FBXW7: variants seen among roughly 807,000 people sequenced by gnomAD.
The protein encoded by FBXW7 is F-box/WD repeat-containing protein 7.
FBXW7 carries 11 observed loss-of-function variants against 86.3 expected under a neutral mutation model. That is an observed-to-expected ratio of 0.13 (90% CI 0.08 to 0.21). FBXW7 has a LOEUF of 0.21. Among genes scored for constraint, FBXW7 ranks in the 10% least tolerant of loss-of-function variants. The pLI, the probability that FBXW7 is intolerant of heterozygous loss-of-function variation, is 1.00. For synonymous variants in FBXW7, 313 were observed against 297.9 expected (o/e 1.05, Z -0.52); for missense variants, 488 against 847.4 (o/e 0.58, Z 5.27).
At chr4:152,526,166 T>G (rs1286876731) in intron 2 of FBXW7, among the ~76,000 whole-genome samples, 1 of 152,242 alleles carries the variant, frequency 6.6e-6, no homozygotes, top group African/African-American at 2.4e-5. Context: ...TAAATTTAAG[T>G]TCTTATAGAC....
rs117567518 is a variant in FBXW7 at position 152,406,221 on chromosome 4, A to G, written c.501+5082T>C. On this transcript the variant is annotated intron_variant, in intron 4 of 13. Coordinates refer to ENST00000281708, the MANE Select transcript of FBXW7 (RefSeq NM_001349798.2). ...TATCATCTGTATAAAGAACTAATCA[A>G]TGGAATGCTATAAAACAATTTTAAA... Among the ~76,000 whole-genome samples the G allele has an allele frequency of 7.2e-4, 110 of 152,350 alleles. 2 individuals are homozygous for G. In the East Asian group the frequency reaches 0.02, roughly 28 times the overall value.
chr4:152,445,960 G>T (rs529041466), intron 2 of FBXW7, among the ~76,000 whole-genome samples: 1 of 136,932 alleles, frequency 7.3e-6, no homozygotes, highest in African/African-American at 2.6e-5. Context: ...GCTTAGTACA[G>T]CACTTGGTCC....
intron 4 of FBXW7, among the ~76,000 whole-genome samples, chr4:152,389,254 A>G (rs2406600): frequency 0.37 from 56,416 of 151,822 alleles, 11,200 homozygotes; most frequent in African/African-American, 0.51. Flanking sequence ...TAATAGAACT[A>G]TCATTTGATC....
At chr4:152,515,417 A>C (rs1748390469) in intron 2 of FBXW7, among the ~76,000 whole-genome samples, 1 of 152,314 alleles carries the variant, frequency 6.6e-6, no homozygotes, top group South Asian at 2.1e-4. Flanking sequence ...TATAAATTAT[A>C]TCTCAATAAA....
chr4:152,456,771 C>G (rs548900762), intron 2 of FBXW7, among the ~76,000 whole-genome samples: 2 of 152,298 alleles, frequency 1.3e-5, no homozygotes, highest in East Asian at 3.9e-4. Context: ...TCATACACTG[C>G]AAGTGGTAAT....
intron 2 of FBXW7, among the ~76,000 whole-genome samples, chr4:152,510,380 G>A (rs536516815): frequency 6.6e-6 from 1 of 152,088 alleles, no homozygotes; most frequent in Non-Finnish European, 1.5e-5. Context: ...TCTCCAAAAA[G>A]GCCACAAAAA....
At chr4:152,324,685 T>A (rs1191962415) in intron 12 of FBXW7, 1 of 327,436 alleles carries the variant, frequency 3.1e-6, no homozygotes, top group Non-Finnish European at 5.7e-6. Flanking sequence ...GAACAATATG[T>A]TAATTTTCAA....
Position 152,337,788 on chromosome 4 carries a change from T to C in FBXW7, c.861+14A>G, listed in dbSNP as rs757216052. The stretch of plus-strand genomic sequence containing the variant: ...AAATAACACCCAATGAAGAATGTAA[T>C]TGATAATCTTTACCTCTTTAGGGAG... On this transcript the variant is annotated intron_variant, in intron 7 of 13. Coordinates refer to ENST00000281708, the MANE Select transcript of FBXW7 (RefSeq NM_001349798.2). 81 of 1,599,592 alleles carry C rather than the reference T, an allele frequency of 5.1e-5. No homozygotes were observed. Among genetic ancestry groups the C allele is most frequent in the Non-Finnish European group, 6.4e-5 (75 of 1,174,892 alleles).
intron 4 of FBXW7, among the ~76,000 whole-genome samples, chr4:152,387,366 TACTC>T (rs1163645074): frequency 6.6e-6 from 1 of 152,118 alleles, no homozygotes; most frequent in East Asian, 1.9e-4. Context: ...TTATCAAGCA[TACTC>T]ACTTATTTCA....
In FBXW7 at chr4:152,535,835, T is replaced by G. The variant is rs868844150; in HGVS notation, c.-921A>C. 135 of 386,646 alleles carry G rather than the reference T, an allele frequency of 3.5e-4. 1 individual carries two copies. The highest frequency in any genetic ancestry group is 3.3e-3 in the South Asian group (28 of 8,516). The allele number at this position is 386,646 out of a possible 1,614,324, so 24.0% of individuals were successfully genotyped here. The stretch of plus-strand genomic sequence containing the variant: ...CCGGCTCAGGCTCGGGCTCCGGCTC[T>G]GGCTCCGGCTCCGGCGTGTGCAGCC... On this transcript the variant is annotated 5_prime_UTR_variant, in exon 1 of 14. Transcript: ENST00000281708.
Position 152,404,663 on chromosome 4 carries a change from A to G in FBXW7, c.501+6640T>C, listed in dbSNP as rs149494753. Among the ~76,000 whole-genome samples the G allele has an allele frequency of 8.4e-3, 1,281 of 152,300 alleles. 11 individuals are homozygous for G. Among genetic ancestry groups the G allele is most frequent in the South Asian group, 0.047 (226 of 4,828 alleles). On this transcript the variant is annotated intron_variant, in intron 4 of 13. Coordinates refer to ENST00000281708, the MANE Select transcript of FBXW7 (RefSeq NM_001349798.2). ...TCTGCATGTTAGCAAAATGATTCCTAAAGTGGGATTTTTAACTTCTCCTCA... is the reference window on the plus strand; with the variant it reads ...TCTGCATGTTAGCAAAATGATTCCTGAAGTGGGATTTTTAACTTCTCCTCA...
intron 2 of FBXW7, among the ~76,000 whole-genome samples, chr4:152,513,311 T>C (rs1348234092): frequency 2.0e-5 from 3 of 152,112 alleles, no homozygotes; most frequent in Admixed American, 6.5e-5. Flanking sequence ...ATAGTTAAAA[T>C]AGAAAGCAAC....
At chr4:152,404,685 C>T (rs1306878782) in intron 4 of FBXW7, among the ~76,000 whole-genome samples, 1 of 152,130 alleles carries the variant, frequency 6.6e-6, no homozygotes, top group Non-Finnish European at 1.5e-5. Context: ...TTAACTTCTC[C>T]TCAGGGCAGT....
intron 6 of FBXW7, among the ~76,000 whole-genome samples, chr4:152,341,929 T>C (rs1280806286): frequency 1.3e-5 from 2 of 152,202 alleles, no homozygotes; most frequent in South Asian, 4.1e-4. Context: ...GGAGATACTG[T>C]CGTTGTAATT....
intron 4 of FBXW7, among the ~76,000 whole-genome samples, chr4:152,387,611 A>AG (rs1182644954): frequency 2.0e-5 from 3 of 151,000 alleles, no homozygotes; most frequent in Non-Finnish European, 4.4e-5. Flanking sequence ...AAACTGTAAA[A>AG]AAAAAAAAAA....
intron 4 of FBXW7, among the ~76,000 whole-genome samples, chr4:152,395,588 T>C (rs1736353587): frequency 6.6e-6 from 1 of 152,036 alleles, no homozygotes; most frequent in African/African-American, 2.4e-5. Flanking sequence ...ATAACTAAAA[T>C]CAGTACACCA....
intron 4 of FBXW7, among the ~76,000 whole-genome samples, chr4:152,386,601 G>T (rs1366834576): frequency 6.6e-6 from 1 of 151,960 alleles, no homozygotes; most frequent in Non-Finnish European, 1.5e-5. Flanking sequence ...CATATTATTT[G>T]TAAGTTTCAG....
chr4:152,405,740 G>C (rs1252952339), intron 4 of FBXW7, among the ~76,000 whole-genome samples: 9 of 152,156 alleles, frequency 5.9e-5, no homozygotes, highest in African/African-American at 1.9e-4. Flanking sequence ...GAGACTAAGT[G>C]ATCAAGTCTG....
At chr4:152,527,901 C>CACACACATAT (rs71596295) in intron 2 of FBXW7, among the ~76,000 whole-genome samples, 13 of 149,300 alleles carry the variant, frequency 8.7e-5, no homozygotes, top group African/African-American at 3.0e-4. Context: ...CACACACACA[C>CACACACATAT]ATATATATAC....
Sources: allele counts gnomAD v4.1 joint callset (sites outside exome capture counted in the v4.1 genomes callset), GRCh38; gene constraint gnomAD v4.1.1; transcripts MANE v1.5; gene names NCBI Gene and HGNC (gene_info 2026-07-23, HGNC 2026-07-21).